The following GLI3 variants were observed in gnomAD, a reference collection of about 807,000 sequenced individuals.
GLI3 encodes the protein GLI family zinc finger 3.
A neutral mutation model predicts 100.8 loss-of-function variants in GLI3; 20 were observed. The ratio of observed to expected loss-of-function variants is 0.20; its 90% CI spans 0.14 to 0.29. GLI3 has a LOEUF of 0.29. Among genes scored for constraint, GLI3 ranks in the 10% least tolerant of loss-of-function variants. GLI3 has a pLI of 1.00. For missense variants in GLI3, 2,040 were observed against 2,128.5 expected (o/e 0.96, Z 0.82); for synonymous variants, 938 against 860.5 (o/e 1.09, Z -1.58).
At chr7:42,174,134 G>A (rs937514175) in intron 2 of GLI3, among the ~76,000 whole-genome samples, 10 of 151,970 alleles carry the variant, frequency 6.6e-5, no homozygotes, top group Admixed American at 5.9e-4. Context: ...GCCATTTATA[G>A]TTAAAATACT....
chr7:42,065,562 A>G (rs2128748637), intron 4 of GLI3, among the ~76,000 whole-genome samples: 1 of 152,346 alleles, frequency 6.6e-6, no homozygotes, highest in South Asian at 2.1e-4. Flanking sequence ...GTCATAAACC[A>G]TGCTTCAAAA....
At chr7:42,184,204 C>T (rs1476024935) in intron 2 of GLI3, among the ~76,000 whole-genome samples, 2 of 152,240 alleles carry the variant, frequency 1.3e-5, no homozygotes, top group African/African-American at 4.8e-5. Context: ...AAATTCCTGC[C>T]TCAGCCTCAT....
intron 3 of GLI3, among the ~76,000 whole-genome samples, chr7:42,115,997 CAGGG>C (rs1785844238): frequency 6.6e-6 from 1 of 151,830 alleles, no homozygotes; most frequent in South Asian, 2.1e-4. Context: ...CTCAAATGAA[CAGGG>C]AGGGCATCAT....
chr7:42,121,343 G>A (rs1785993203), intron 3 of GLI3, among the ~76,000 whole-genome samples: 1 of 152,202 alleles, frequency 6.6e-6, no homozygotes, highest in Admixed American at 6.5e-5. Flanking sequence ...CAAGTTCCCT[G>A]GGGATGCAGA....
chr7:42,049,631 G>A (rs1784313367), intron 4 of GLI3, among the ~76,000 whole-genome samples: 1 of 152,150 alleles, frequency 6.6e-6, no homozygotes, highest in African/African-American at 2.4e-5. Flanking sequence ...ATCTGCTTCT[G>A]GAGAGAGATT....
intron 2 of GLI3, among the ~76,000 whole-genome samples, chr7:42,170,171 G>A (rs1181381674): frequency 1.3e-5 from 2 of 149,746 alleles, no homozygotes; most frequent in Non-Finnish European, 3.0e-5. Context: ...AGAATCAGTT[G>A]AGCCCAGGAG....
intron 1 of GLI3, among the ~76,000 whole-genome samples, chr7:42,228,673 T>C (rs561416773): frequency 6.6e-6 from 1 of 152,344 alleles, no homozygotes; most frequent in South Asian, 2.1e-4. Context: ...CGCATTATAA[T>C]AAAACATTGG....
intron 1 of GLI3, among the ~76,000 whole-genome samples, chr7:42,246,442 T>C (rs935365677): frequency 2.6e-5 from 4 of 152,208 alleles, no homozygotes; most frequent in African/African-American, 7.2e-5. Flanking sequence ...AATAAACTCA[T>C]ATGTGAAAGT....
chr7:42,073,496 A>C (rs1784822630), intron 4 of GLI3, among the ~76,000 whole-genome samples: 1 of 152,260 alleles, frequency 6.6e-6, no homozygotes, highest in African/African-American at 2.4e-5. Context: ...CAAACAGCTA[A>C]TACGAAACAT....
intron 2 of GLI3, among the ~76,000 whole-genome samples, chr7:42,193,746 C>A (rs1390041976): frequency 1.3e-5 from 2 of 152,052 alleles, no homozygotes; most frequent in East Asian, 1.9e-4. Context: ...CAGCACAGAC[C>A]CCATCCCATC....
intron 7 of GLI3, among the ~76,000 whole-genome samples, chr7:42,034,201 A>G (rs1656377489): frequency 6.6e-6 from 1 of 152,228 alleles, no homozygotes; most frequent in Non-Finnish European, 1.5e-5. Flanking sequence ...TCTATTATAA[A>G]TAGCATTTCC....
intron 3 of GLI3, among the ~76,000 whole-genome samples, chr7:42,098,281 C>G (rs577095483): frequency 2.3e-4 from 35 of 152,170 alleles, no homozygotes; most frequent in Non-Finnish European, 4.9e-4. Context: ...ATCCCCATCT[C>G]TCTGTCTCTG....
intron 2 of GLI3, among the ~76,000 whole-genome samples, chr7:42,163,677 G>A (rs1467841506): frequency 1.3e-5 from 2 of 152,046 alleles, no homozygotes; most frequent in Admixed American, 6.6e-5. Context: ...TGATCCACCC[G>A]CCTCAGCCTC....
At chr7:42,128,131 T>A (rs1200286064) in intron 3 of GLI3, among the ~76,000 whole-genome samples, 3 of 151,208 alleles carry the variant, frequency 2.0e-5, no homozygotes, top group African/African-American at 7.3e-5. Context: ...TCAAAGAAAA[T>A]ATACATATAT....
At chr7:42,096,029 A>C (rs924613956) in intron 3 of GLI3, among the ~76,000 whole-genome samples, 1 of 152,174 alleles carries the variant, frequency 6.6e-6, no homozygotes, top group Non-Finnish European at 1.5e-5. Context: ...GGGAGGAGGC[A>C]GTTTCAGGCA....
At chr7:42,154,538 T>G (rs540085618) in intron 2 of GLI3, among the ~76,000 whole-genome samples, 1 of 152,338 alleles carries the variant, frequency 6.6e-6, no homozygotes, top group East Asian at 1.9e-4. Context: ...TATCAGCTTT[T>G]ATTTCTTTGG....
chr7:42,204,225 C>T (rs1788103099), intron 2 of GLI3, among the ~76,000 whole-genome samples: 1 of 152,064 alleles, frequency 6.6e-6, no homozygotes, highest in African/African-American at 2.4e-5. Flanking sequence ...CCTCCATCCT[C>T]CTCTCCCCAA....
intron 3 of GLI3, among the ~76,000 whole-genome samples, chr7:42,097,826 A>G (rs1302347466): frequency 6.6e-6 from 1 of 152,048 alleles, no homozygotes; most frequent in Non-Finnish European, 1.5e-5. Context: ...ATGTCCTTCT[A>G]CGACACCCCT....
intron 1 of GLI3, among the ~76,000 whole-genome samples, chr7:42,232,977 G>C (rs1788723672): frequency 6.6e-6 from 1 of 152,150 alleles, no homozygotes; most frequent in African/African-American, 2.4e-5. Context: ...AGCGCATTTA[G>C]AATTACAAGT....
Sources: allele counts gnomAD v4.1 joint callset (sites outside exome capture counted in the v4.1 genomes callset), GRCh38; gene constraint gnomAD v4.1.1; transcripts MANE v1.5; gene names NCBI Gene and HGNC (gene_info 2026-07-23, HGNC 2026-07-21).